The following ADGRA3 variants were observed in gnomAD, a reference collection of about 807,000 sequenced individuals.
ADGRA3 encodes the protein adhesion G protein-coupled receptor A3.
A neutral mutation model predicts 119.8 loss-of-function variants in ADGRA3; 56 were observed. The observed-to-expected ratio is 0.47, with a 90% CI of 0.38 to 0.58. The LOEUF is 0.58. Among genes scored for constraint, ADGRA3 ranks in the 20% least tolerant of loss-of-function variants. The probability of loss-of-function intolerance (pLI) is 0.00; values close to 1 mark genes in which losing one functional copy is unlikely to be tolerated. For missense variants in ADGRA3, 1,516 were observed against 1,649.0 expected, an observed-to-expected ratio of 0.92 and a Z score of 1.40; for synonymous variants, 607 against 623.8, an observed-to-expected ratio of 0.97 and a Z score of 0.40.
intron 1 of ADGRA3, among the ~76,000 whole-genome samples, chr4:22,501,839 G>A (rs976182561): frequency 1.3e-5 from 2 of 151,390 alleles, no homozygotes; most frequent in African/African-American, 4.9e-5. Flanking sequence ...GTATTACAAA[G>A]TTTCTGTCTG....
In ADGRA3 at chr4:22,388,178, T is replaced by C. The variant is rs1713927763; in HGVS notation, c.3493A>G (p.Asn1165Asp). Residue 1165 changes from asparagine to aspartate, a missense_variant, in exon 19 of 19, where the codon AAT becomes GAT. Asn to Asp is a conservative substitution (Grantham distance 23). Coordinates refer to ENST00000334304, the MANE Select transcript of ADGRA3 (RefSeq NM_145290.4). The part of the protein sequence containing the change: ...VAPLEVQFRT[N>D]VHSSRHHKNR... ...TTATGGTGGCGGCTTGAGTGCACAT[T>C]TGTTCGAAACTGAACTTCTAAAGGC... 1 of 1,614,114 alleles carries C rather than the reference T, an allele frequency of 6.2e-7. No individual in the cohort carries two copies. The highest frequency in any genetic ancestry group is 8.5e-7 in the Non-Finnish European group (1 of 1,180,006).
intron 11 of ADGRA3, among the ~76,000 whole-genome samples, chr4:22,421,827 G>A (rs1715699511): frequency 7.5e-6 from 1 of 133,322 alleles, no homozygotes; most frequent in South Asian, 2.4e-4. Flanking sequence ...GTTGCAGTGA[G>A]CCAAGATTGT....
At chr4:22,451,730 T>G (rs538968684) in intron 4 of ADGRA3, among the ~76,000 whole-genome samples, 28 of 152,138 alleles carry the variant, frequency 1.8e-4, no homozygotes, top group Non-Finnish European at 4.0e-4. Context: ...CCAAGGAAGT[T>G]TGAGGTCCCC....
At chr4:22,504,520 T>A (rs1719168432) in intron 1 of ADGRA3, among the ~76,000 whole-genome samples, 1 of 152,170 alleles carries the variant, frequency 6.6e-6, no homozygotes, top group African/African-American at 2.4e-5. Flanking sequence ...AGTACATCTC[T>A]AAAACCTTAT....
intron 12 of ADGRA3, chr4:22,414,035 G>A (rs906914050): frequency 5.0e-5 from 20 of 401,642 alleles, no homozygotes; most frequent in Admixed American, 3.7e-4. Context: ...AAACTTTAAA[G>A]AGTTAAATAA....
At chr4:22,483,534 T>C (rs1718320596) in intron 1 of ADGRA3, among the ~76,000 whole-genome samples, 1 of 152,188 alleles carries the variant, frequency 6.6e-6, no homozygotes, top group African/African-American at 2.4e-5. Flanking sequence ...CTTCTCTTCA[T>C]ACTGCAATAA....
intron 6 of ADGRA3, chr4:22,443,190 T>G (rs1716691871): frequency 1.6e-6 from 1 of 609,888 alleles, no homozygotes. Flanking sequence ...AAGTAAATGT[T>G]GATATTTACA....
intron 1 of ADGRA3, among the ~76,000 whole-genome samples, chr4:22,510,762 AAAAT>A (rs1165108851): frequency 1.3e-5 from 2 of 152,106 alleles, no homozygotes; most frequent in Non-Finnish European, 2.9e-5. Context: ...CCAGGAAAAT[AAAAT>A]ACCTTCCAAG....
chr4:22,391,034 G>A (rs1714112028), intron 17 of ADGRA3, among the ~76,000 whole-genome samples: 2 of 151,912 alleles, frequency 1.3e-5, no homozygotes, highest in South Asian at 2.1e-4. Context: ...CCATGTTCTC[G>A]GGTGTTCTCT....
intron 4 of ADGRA3, among the ~76,000 whole-genome samples, chr4:22,448,836 A>G (rs898384890): frequency 6.6e-6 from 1 of 152,206 alleles, no homozygotes; most frequent in African/African-American, 2.4e-5. Flanking sequence ...TTAAACAGAA[A>G]AGAGTATTTG....
chr4:22,387,540 A>G lies in ADGRA3; in HGVS notation c.*165T>C. 1 of 607,484 alleles carries G rather than the reference A, an allele frequency of 1.6e-6. No individual in the cohort carries two copies. The allele number at this position is 607,484 out of a possible 1,614,324, so 37.6% of individuals were successfully genotyped here. A position where few individuals can be genotyped will look rare whatever the true frequency, so the allele number is the denominator to read the frequency against. On this transcript the variant is annotated 3_prime_UTR_variant, in exon 19 of 19. Coordinates refer to ENST00000334304, the MANE Select transcript of ADGRA3 (RefSeq NM_145290.4). ...GATTTTGTTTCAGATCCTAAAAAAT[A>G]GCAACAATTTGGGGATAAAAATAAG...
chr4:22,514,656 G>C (rs1459563374), intron 1 of ADGRA3: 1 of 152,146 alleles, frequency 6.6e-6, no homozygotes, highest in Non-Finnish European at 1.5e-5. Context: ...AAATACCCAT[G>C]AGAAACACTT....
intron 14 of ADGRA3, 109 bp from the exon 15 acceptor site, chr4:22,402,908 A>T (rs888412274): frequency 2.0e-6 from 2 of 1,002,486 alleles, no homozygotes; most frequent in African/African-American, 3.3e-5. Context: ...TCTGGCCCTT[A>T]TGTCTCTTTA....
intron 10 of ADGRA3, among the ~76,000 whole-genome samples, chr4:22,426,500 T>C (rs937042460): frequency 3.9e-5 from 6 of 152,166 alleles, no homozygotes; most frequent in African/African-American, 1.2e-4. Flanking sequence ...TGACTATTTA[T>C]TGAGGGCCAA....
At chr4:22,461,409 T>C (rs1717447305) in intron 3 of ADGRA3, among the ~76,000 whole-genome samples, 1 of 152,250 alleles carries the variant, frequency 6.6e-6, no homozygotes, top group Admixed American at 6.5e-5. Context: ...CCAGTGATTC[T>C]CCTGCCTCAG....
intron 10 of ADGRA3, among the ~76,000 whole-genome samples, chr4:22,424,854 T>G (rs569325125): frequency 5.4e-4 from 82 of 152,194 alleles, no homozygotes; most frequent in African/African-American, 1.9e-3. Flanking sequence ...GGTGGATCAT[T>G]TGAGGTCAAG....
At chr4:22,503,113 G>A (rs1447670579) in intron 1 of ADGRA3, among the ~76,000 whole-genome samples, 1 of 152,140 alleles carries the variant, frequency 6.6e-6, no homozygotes, top group African/African-American at 2.4e-5. Context: ...CCTAAGGAAT[G>A]AAGAGCCAGC....
At chr4:22,473,911 T>C in intron 1 of ADGRA3, 68 bp from the exon 2 acceptor site, 1 of 963,786 alleles carries the variant, frequency 1.0e-6, no homozygotes. Flanking sequence ...ATTTAGCTTA[T>C]TATGTTTAAA....
chr4:22,423,675 T>TC (rs1156817199), intron 11 of ADGRA3, among the ~76,000 whole-genome samples: 3 of 152,180 alleles, frequency 2.0e-5, no homozygotes, highest in Non-Finnish European at 4.4e-5. Context: ...GCCAATAGCT[T>TC]CACAAGTGTT....
Sources: gnomAD v4.1 joint callset for allele counts (sites outside exome capture counted in the v4.1 genomes callset) on GRCh38, gnomAD v4.1.1 for gene constraint, MANE v1.5 for transcripts, NCBI Gene and HGNC (gene_info 2026-07-23, HGNC 2026-07-21) for gene names.